FBXL18: variants seen among roughly 807,000 people sequenced by gnomAD.
FBXL18 encodes the protein F-box/LRR-repeat protein 18.
Under a neutral mutation model 46.0 loss-of-function variants are expected in FBXL18, and 36 were observed. The observed-to-expected ratio is 0.78, with a 90% confidence interval of 0.60 to 1.03. FBXL18 has a LOEUF of 1.03. Among genes scored for constraint, FBXL18 ranks in the 50% least tolerant of loss-of-function variants. The pLI, the probability that FBXL18 is intolerant of heterozygous loss-of-function variation, is 0.00. For synonymous variants in FBXL18, 557 were observed against 465.3 expected (o/e 1.20, Z -2.54); for missense variants, 977 against 1,004.1 (o/e 0.97, Z 0.36).
downstream of FBXL18, among the ~76,000 whole-genome samples, chr7:5,473,940 G>A (rs574650377): frequency 5.7e-4 from 86 of 152,102 alleles, no homozygotes; most frequent in Middle Eastern, 0.02. Context: ...GACTACAGGC[G>A]TGCGCCACAC....
At chr7:5,482,688 G>A (rs1444085353) in intron 4 of FBXL18, among the ~76,000 whole-genome samples, 3 of 152,048 alleles carry the variant, frequency 2.0e-5, no homozygotes, top group Admixed American at 6.6e-5. Flanking sequence ...GCAGAACAGG[G>A]ACCCCTCCAC....
intron 3 of FBXL18, among the ~76,000 whole-genome samples, chr7:5,497,931 C>T (rs1041932852): frequency 6.6e-6 from 1 of 152,096 alleles, no homozygotes; most frequent in Non-Finnish European, 1.5e-5. Flanking sequence ...CATGTACCCG[C>T]AACCCACCCC....
At chr7:5,457,582 A>T (rs997195380) in intron 4 of FBXL18, among the ~76,000 whole-genome samples, 2 of 152,236 alleles carry the variant, frequency 1.3e-5, no homozygotes, top group Admixed American at 1.3e-4. Flanking sequence ...CTCGGAAGCC[A>T]TACACAGCAG....
chr7:5,458,567 G>A (rs1036569927), intron 4 of FBXL18, among the ~76,000 whole-genome samples: 17 of 152,090 alleles, frequency 1.1e-4, no homozygotes, highest in African/African-American at 3.9e-4. Context: ...GCATTGTGGC[G>A]TCCACCTGTA....
chr7:5,499,731 C>CAA (rs58187609), intron 3 of FBXL18, among the ~76,000 whole-genome samples: 4 of 115,816 alleles, frequency 3.5e-5, no homozygotes, highest in African/African-American at 1.4e-4. Context: ...GACTCTGTCT[C>CAA]AAAAAAAAAA....
In FBXL18 at chr7:5,476,879, G is replaced by C. The variant is rs1374317634; in HGVS notation, c.*4896C>G. 6.6e-6 allele frequency: 1 copy of C among 151,306 alleles called. No homozygotes were observed. The highest frequency in any genetic ancestry group is 6.6e-5 in the Admixed American group (1 of 15,174). The allele number at this position is 151,306 out of a possible 1,614,324, so 9.4% of individuals were successfully genotyped here. The stretch of plus-strand genomic sequence containing the variant: ...GTGTTCATCATGCCCAGTAGATCTA[G>C]AAACTTCTTTTGTTTTTTTTTTTTT... On this transcript the variant is annotated 3_prime_UTR_variant, in exon 5 of 5. Transcript: ENST00000382368.
intron 1 of FBXL18, among the ~76,000 whole-genome samples, chr7:5,508,014 A>C (rs762739251): frequency 2.6e-5 from 4 of 152,072 alleles, no homozygotes; most frequent in Non-Finnish European, 5.9e-5. Flanking sequence ...CACGCCTGTA[A>C]TCCCAGCACT....
intron 1 of FBXL18, among the ~76,000 whole-genome samples, chr7:5,509,629 G>A (rs975000186): frequency 4.7e-5 from 7 of 150,486 alleles, no homozygotes; most frequent in African/African-American, 1.7e-4. Flanking sequence ...TTGAACCTGG[G>A]AGGTGGAGTT....
intron 4 of FBXL18, among the ~76,000 whole-genome samples, chr7:5,462,842 T>C (rs1360168137): frequency 1.4e-5 from 2 of 148,096 alleles, no homozygotes; most frequent in Non-Finnish European, 3.0e-5. Context: ...TCCCAGCTAC[T>C]CGGGAGGCTG....
downstream of FBXL18, among the ~76,000 whole-genome samples, chr7:5,474,449 C>T (rs1242436313): frequency 6.6e-6 from 1 of 150,950 alleles, no homozygotes; most frequent in Non-Finnish European, 1.5e-5. Context: ...GTAGCTGGGA[C>T]CACAGACAGG....
rs1284545485 is a variant in FBXL18 at position 5,463,002 on chromosome 7, T to C, written c.2001-15159A>G. On this transcript the variant is annotated intron_variant and NMD_transcript_variant, in intron 4 of 6. Coordinates refer to the FBXL18 transcript ENST00000415009. ...TATATATATATATATATATAATATA[T>C]ATACACACACACATGCATAAATGAC... Among the ~76,000 whole-genome samples, 828 of 87,458 alleles carry C rather than the reference T, an allele frequency of 9.5e-3. 30 individuals are homozygous for C. The highest frequency in any genetic ancestry group is 0.014 in the Non-Finnish European group (597 of 41,988). The allele number at this position is 87,458 out of a possible 152,430, so 57.4% of individuals were successfully genotyped here.
chr7:5,482,105 C>A (rs573009790), intron 4 of FBXL18, among the ~76,000 whole-genome samples, 174 bp from the exon 5 acceptor site: 2 of 152,320 alleles, frequency 1.3e-5, no homozygotes, highest in East Asian at 3.9e-4. Context: ...GGGCCCTGTA[C>A]GTGGCAGACA....
rs71004681 is a variant in FBXL18, at chr7:5,512,297, TAAAAAA to T, written c.18+1354_18+1359del. Among the ~76,000 whole-genome samples, 33 of 85,544 alleles carry T rather than the reference TAAAAAA, an allele frequency of 3.9e-4. 1 individual carries two copies. In the South Asian group the frequency reaches 0.01, roughly 26 times the overall value. 56.1% of individuals were successfully genotyped at this position (85,544 alleles called of 152,430 possible). ...GCACTGAACCATGTGAAGTGTTATT[TAAAAAA>T]AAAAAAAAAAAAAAAAAAAAGCAGA... is the stretch of plus-strand genomic sequence containing the variant. On this transcript the variant is annotated intron_variant, in intron 1 of 4. Transcript: ENST00000382368.
Position 5,501,568 on chromosome 7 carries a change from T to G in FBXL18, c.701A>C (p.Tyr234Ser), listed in dbSNP as rs1467176639. The change falls in exon 3 of 5, where the codon TAT becomes TCT. Residue 234 changes from tyrosine (Y) to serine (S), a missense_variant. By Grantham distance (144) the Tyr-to-Ser change is moderately radical. Coordinates refer to ENST00000382368, the MANE Select transcript of FBXL18 (RefSeq NM_024963.6). Reference sequence around the variant, plus strand: ...GATGTAGCCGGGGGCCAGGCGCGCATAGAAGACCCGCAGGTTCTGGTAGTG... The same window carrying G: ...GATGTAGCCGGGGGCCAGGCGCGCAGAGAAGACCCGCAGGTTCTGGTAGTG... ...VPHYQNLRVFYARLAPGYINQ... is the reference protein window; with the variant it reads ...VPHYQNLRVFSARLAPGYINQ... 1 of 1,613,804 alleles carries G rather than the reference T, an allele frequency of 6.2e-7. No individual in the cohort carries two copies. Among genetic ancestry groups the G allele is most frequent in the East Asian group, 2.2e-5 (1 of 44,870 alleles).
chr7:5,489,576 C>G (rs1385186533), intron 4 of FBXL18: 1 of 245,246 alleles, frequency 4.1e-6, no homozygotes, highest in Non-Finnish European at 8.1e-6. Context: ...CGAGACCATC[C>G]TGGCCAACAC....
intron 1 of FBXL18, among the ~76,000 whole-genome samples, chr7:5,507,024 G>A (rs747259029): frequency 6.6e-6 from 1 of 152,188 alleles, no homozygotes. Flanking sequence ...AAGGCAGAAG[G>A]CTTTACCAAG....
chr7:5,468,568 G>C (rs1783381102), intron 4 of FBXL18, among the ~76,000 whole-genome samples: 1 of 152,150 alleles, frequency 6.6e-6, no homozygotes, highest in African/African-American at 2.4e-5. Flanking sequence ...TTCTAGAAAA[G>C]GAACATAATA....
At chr7:5,489,648 G>A (rs1204627379) in intron 4 of FBXL18, 3 of 216,122 alleles carry the variant, frequency 1.4e-5, no homozygotes, top group South Asian at 6.0e-5. Flanking sequence ...GTGTGGTGGC[G>A]GGCGCCTGTA....
intron 3 of FBXL18, among the ~76,000 whole-genome samples, chr7:5,500,267 C>G (rs191501417): frequency 1.3e-5 from 2 of 152,086 alleles, no homozygotes; most frequent in East Asian, 3.9e-4. Context: ...CAAACACTAT[C>G]AGGAATAAAG....
Sources: allele counts gnomAD v4.1 joint callset (sites outside exome capture counted in the v4.1 genomes callset), GRCh38; gene constraint gnomAD v4.1.1; transcripts MANE v1.5; gene names NCBI Gene and HGNC (gene_info 2026-07-23, HGNC 2026-07-21).